RAPGEF6: variants seen among roughly 807,000 people sequenced by gnomAD.
RAPGEF6 encodes PDZ domain containing guanine nucleotide exchange factor (GEF) 2.
RAPGEF6 carries 56 observed loss-of-function variants against 171.4 expected under a neutral mutation model. That is an observed-to-expected ratio of 0.33 (90% CI 0.26 to 0.41). RAPGEF6 has a LOEUF of 0.41. Among genes scored for constraint, RAPGEF6 ranks in the 10% least tolerant of loss-of-function variants. The pLI is 1.00. For missense variants in RAPGEF6, 1,674 were observed against 1,921.4 expected, an observed-to-expected ratio of 0.87 and a Z score of 2.41; for synonymous variants, 692 against 650.1, an observed-to-expected ratio of 1.06 and a Z score of -0.98.
In RAPGEF6 at chr5:131,431,174, T is replaced by C. The variant is rs1324621886; in HGVS notation, c.4150A>G (p.Ser1384Gly). The C allele has an allele frequency of 1.2e-6, 2 of 1,614,200 alleles. No homozygotes were observed. Among genetic ancestry groups the C allele is most frequent in the Admixed American group, 1.7e-5 (1 of 60,024 alleles). Residue 1384 changes from serine to glycine, a missense_variant, in exon 26 of 28, where the codon AGC (serine) becomes GGC (glycine). Coordinates refer to ENST00000509018, the MANE Select transcript of RAPGEF6 (RefSeq NM_016340.6). ...DNFQSLPNPKSWDFLNSYRHT... is the reference protein window; with the variant it reads ...DNFQSLPNPKGWDFLNSYRHT... Reference sequence around the variant, plus strand: ...CTGTAAGAGTTCAAAAAATCCCAGCTTTTTGGGTTTGGAAGGCTTTGGAAG... The same window carrying C: ...CTGTAAGAGTTCAAAAAATCCCAGCCTTTTGGGTTTGGAAGGCTTTGGAAG...
chr5:131,503,012 AG>A, intron 11 of RAPGEF6, among the ~76,000 whole-genome samples: 1 of 152,296 alleles, frequency 6.6e-6, no homozygotes, highest in East Asian at 1.9e-4. Flanking sequence ...CATGTTGGCC[AG>A]GCTGGTCTCG....
At chr5:131,455,655 G>A (rs1432198514) in intron 20 of RAPGEF6, 146 bp downstream of exon 20, 2 of 647,888 alleles carry the variant, frequency 3.1e-6, no homozygotes, top group East Asian at 5.5e-5. Flanking sequence ...TGTATGGTAT[G>A]ACATCTAATT....
intron 11 of RAPGEF6, among the ~76,000 whole-genome samples, chr5:131,499,581 CAAAAAAAAAAA>C (rs375534138): frequency 1.1e-5 from 1 of 87,548 alleles, no homozygotes; most frequent in Non-Finnish European, 2.1e-5. Context: ...GACTTTGTCT[CAAAAAAAAAAA>C]AAAAAAAAAA....
At chr5:131,565,256 A>C (rs1761863636) in intron 4 of RAPGEF6, among the ~76,000 whole-genome samples, 1 of 151,020 alleles carries the variant, frequency 6.6e-6, no homozygotes, top group Non-Finnish European at 1.5e-5. Flanking sequence ...TCAGAAAATA[A>C]AATCTTTTGA....
At chr5:131,451,423 GAAAA>G (rs202198403) in intron 21 of RAPGEF6, among the ~76,000 whole-genome samples, 1 of 136,814 alleles carries the variant, frequency 7.3e-6, no homozygotes, top group Non-Finnish European at 1.6e-5. Context: ...ATCTCTACTG[GAAAA>G]AAAAAAAAAA....
chr5:131,497,602 A>G (rs1756719318), intron 12 of RAPGEF6, among the ~76,000 whole-genome samples: 1 of 152,096 alleles, frequency 6.6e-6, no homozygotes, highest in South Asian at 2.1e-4. Context: ...ATTCTTGTTC[A>G]TTTCCAAAGC....
At chr5:131,600,141 G>A (rs1416352148) in intron 3 of RAPGEF6, among the ~76,000 whole-genome samples, 3 of 152,086 alleles carry the variant, frequency 2.0e-5, no homozygotes, top group Admixed American at 1.3e-4. Context: ...ATGACAATCC[G>A]ATTAATGTCA....
At chr5:131,566,065 T>C (rs988284735) in intron 4 of RAPGEF6, among the ~76,000 whole-genome samples, 2 of 151,886 alleles carry the variant, frequency 1.3e-5, no homozygotes, top group African/African-American at 4.8e-5. Flanking sequence ...GAGGATCACT[T>C]GTGCCTGGGA....
At chr5:131,451,769 G>C (rs1405590246) in intron 21 of RAPGEF6, among the ~76,000 whole-genome samples, 1 of 152,044 alleles carries the variant, frequency 6.6e-6, no homozygotes, top group Admixed American at 6.6e-5. Context: ...AAGTATTTTT[G>C]TTTCCTTAGC....
At chr5:131,619,056 A>C (rs555330990) in intron 1 of RAPGEF6, among the ~76,000 whole-genome samples, 3 of 152,288 alleles carry the variant, frequency 2.0e-5, no homozygotes, top group South Asian at 4.1e-4. Context: ...AAAAAAAAAA[A>C]AAACAGGACT....
intron 3 of RAPGEF6, among the ~76,000 whole-genome samples, chr5:131,594,487 A>G (rs2150005594): frequency 6.6e-6 from 1 of 152,360 alleles, no homozygotes; most frequent in South Asian, 2.1e-4. Context: ...AGGGCAGTGC[A>G]GAGGGAAAAT....
chr5:131,459,927 A>G (rs912703927), intron 19 of RAPGEF6, among the ~76,000 whole-genome samples: 1 of 152,168 alleles, frequency 6.6e-6, no homozygotes, highest in African/African-American at 2.4e-5. Flanking sequence ...GTCTATTCAA[A>G]AAGTTAAAAT....
Position 131,464,081 on chromosome 5 carries a change from G to A in RAPGEF6, c.2440C>T (p.Gln814Ter). The change falls in exon 18 of 28, where the codon CAG becomes TAG. Residue 814 changes from glutamine to a stop codon, truncating the protein, a stop_gained. Transcript: ENST00000509018. LOFTEE classifies it high-confidence loss of function. ...GVIKQRRLPD[Q>*]FSKLADRIQL... Reference sequence around the variant, plus strand: ...ATTCTATCAGCTAATTTGGAGAACTGATCTGGAAGTCTTCTCTGTTTTATG... The same window carrying A: ...ATTCTATCAGCTAATTTGGAGAACTAATCTGGAAGTCTTCTCTGTTTTATG... The A allele has an allele frequency of 6.2e-7, 1 of 1,612,086 alleles. No homozygotes were observed. Among genetic ancestry groups the A allele is most frequent in the Non-Finnish European group, 8.5e-7 (1 of 1,178,862 alleles).
intron 4 of RAPGEF6, among the ~76,000 whole-genome samples, chr5:131,573,145 G>A (rs757329397): frequency 1.6e-4 from 24 of 151,798 alleles, no homozygotes; most frequent in Admixed American, 1.3e-4. Flanking sequence ...TCCCCTGGCC[G>A]CACCTTGCCA....
Position 131,433,547 on chromosome 5 carries a change from G to A in RAPGEF6, c.3857C>T (p.Ala1286Val). ...VSNCSVDSMSAALQDERCSSQ... is the reference protein window; with the variant it reads ...VSNCSVDSMSVALQDERCSSQ... Reference sequence around the variant, plus strand: ...GGAACACCGTTCATCCTGTAGAGCTGCAGACATGGAGTCAACAGAACAATT... The same window carrying A: ...GGAACACCGTTCATCCTGTAGAGCTACAGACATGGAGTCAACAGAACAATT... Residue 1286 changes from alanine to valine, a missense_variant, in exon 25 of 28, where the codon GCA becomes GTA. This residue lies in a region of RAPGEF6 where 552 missense variants were observed against 574.2 expected (regional missense o/e 0.96). Coordinates refer to ENST00000509018, the MANE Select transcript of RAPGEF6 (RefSeq NM_016340.6). 1 of 1,613,262 alleles carries A rather than the reference G, an allele frequency of 6.2e-7. No individual in the cohort carries two copies. The highest frequency in any genetic ancestry group is 8.5e-7 in the Non-Finnish European group (1 of 1,179,218).
At chr5:131,607,675 G>T (rs1280303120) in intron 1 of RAPGEF6, among the ~76,000 whole-genome samples, 1 of 152,166 alleles carries the variant, frequency 6.6e-6, no homozygotes, top group African/African-American at 2.4e-5. Flanking sequence ...GAATAGGCTA[G>T]AGGTGACTGG....
chr5:131,545,729 G>A (rs1561551125), intron 6 of RAPGEF6, among the ~76,000 whole-genome samples: 1 of 151,962 alleles, frequency 6.6e-6, no homozygotes, highest in Non-Finnish European at 1.5e-5. Flanking sequence ...TCCTTTTTAG[G>A]AAAAAATAAC....
chr5:131,438,480 T>C (rs951659413), intron 24 of RAPGEF6, among the ~76,000 whole-genome samples: 3 of 152,180 alleles, frequency 2.0e-5, no homozygotes, highest in African/African-American at 7.2e-5. Flanking sequence ...TTAGAATTAT[T>C]ATAATAAGCT....
intron 15 of RAPGEF6, among the ~76,000 whole-genome samples, chr5:131,484,148 A>C (rs1002610966): frequency 6.6e-6 from 1 of 151,206 alleles, no homozygotes; most frequent in Non-Finnish European, 1.5e-5. Context: ...ACACACAAAA[A>C]AGGTGCTCAA....
Sources: allele counts gnomAD v4.1 joint callset (sites outside exome capture counted in the v4.1 genomes callset), GRCh38; gene constraint gnomAD v4.1.1; regional missense constraint gnomAD v4.1.1; transcripts MANE v1.5; gene names NCBI Gene and HGNC (gene_info 2026-07-23, HGNC 2026-07-21).